Variants in ABI3BP observed in about 807,000 individuals in gnomAD.
ABI3BP encodes the protein target of Nesh-SH3.
Under a neutral mutation model 268.6 loss-of-function variants are expected in ABI3BP, and 216 were observed. The ratio of observed to expected loss-of-function variants is 0.80; its 90% CI spans 0.72 to 0.90. The LOEUF (loss-of-function observed/expected upper bound fraction) is 0.90. Ranked by LOEUF, ABI3BP falls within the 40% of genes least tolerant of loss-of-function variation. ABI3BP has a pLI of 0.00. For missense variants in ABI3BP, 2,090 were observed against 2,182.4 expected, an observed-to-expected ratio of 0.96 and a Z score of 0.84; for synonymous variants, 730 against 730.0, an observed-to-expected ratio of 1.00 and a Z score of 0.00.
At chr3:100,843,878 C>A in intron 20 of ABI3BP, 1 of 984,764 alleles carries the variant, frequency 1.0e-6, no homozygotes, top group Non-Finnish European at 1.2e-6. Context: ...CTACTCATTG[C>A]ATCTTTTAGA....
intron 27 of ABI3BP, among the ~76,000 whole-genome samples, chr3:100,835,962 G>C (rs2152860788): frequency 6.6e-6 from 1 of 152,134 alleles, no homozygotes; most frequent in South Asian, 2.1e-4. Flanking sequence ...TAATTTTAAA[G>C]TACTCTAAAA....
chr3:100,907,616 G>A lies in ABI3BP; in HGVS notation c.260-4930C>T, dbSNP rs141648618. 4.1e-3 allele frequency among the ~76,000 whole-genome samples: 621 copies of A among 152,104 alleles called. 1 individual carries two copies. The highest frequency in any genetic ancestry group is 0.014 in the African/African-American group (595 of 41,492). On this transcript the variant is annotated intron_variant, in intron 2 of 67. Coordinates refer to ENST00000471714, the MANE Select transcript of ABI3BP (RefSeq NM_001375547.2). ...AGTCTAAGGACATATTACAAGAGAGGAAAATGTTCAAAAAATCTTTACAGC... is the reference window on the plus strand; with the variant it reads ...AGTCTAAGGACATATTACAAGAGAGAAAAATGTTCAAAAAATCTTTACAGC...
chr3:100,862,965 T>C, intron 12 of ABI3BP, 56 bp from the exon 13 acceptor site: 1 of 1,342,134 alleles, frequency 7.5e-7, no homozygotes, highest in Non-Finnish European at 1.0e-6. Context: ...ACAGGAAAGA[T>C]TTTTAAAATT....
At chr3:100,769,549 G>T (rs897868835) in intron 62 of ABI3BP, among the ~76,000 whole-genome samples, 1 of 152,150 alleles carries the variant, frequency 6.6e-6, no homozygotes, top group Non-Finnish European at 1.5e-5. Flanking sequence ...TCAATGTTCC[G>T]TATCTTTAAG....
At chr3:100,768,244 A>G (rs2096390620) in intron 62 of ABI3BP, among the ~76,000 whole-genome samples, 1 of 151,824 alleles carries the variant, frequency 6.6e-6, no homozygotes, top group Non-Finnish European at 1.5e-5. Context: ...GCCCGCCACC[A>G]CACCCGGCTA....
chr3:100,834,632 C>A, intron 29 of ABI3BP, 52 bp downstream of exon 29: 1 of 1,502,378 alleles, frequency 6.7e-7, no homozygotes, highest in Non-Finnish European at 9.0e-7. Context: ...CTGCCACCCC[C>A]ATGCCACATC....
chr3:100,989,823 A>G (rs967912110), intron 1 of ABI3BP, among the ~76,000 whole-genome samples: 5 of 152,214 alleles, frequency 3.3e-5, no homozygotes, highest in African/African-American at 9.7e-5. Context: ...AAAAAGGCCA[A>G]TGGTGCCAAG....
chr3:100,865,251 T>G (rs961737873), intron 10 of ABI3BP, among the ~76,000 whole-genome samples: 1 of 152,202 alleles, frequency 6.6e-6, no homozygotes, highest in African/African-American at 2.4e-5. Flanking sequence ...GATTATAGTT[T>G]ATTACTTTTT....
At chr3:100,949,414 C>A (rs957877180) in intron 1 of ABI3BP, among the ~76,000 whole-genome samples, 2 of 152,146 alleles carry the variant, frequency 1.3e-5, no homozygotes. Context: ...CAACACCATG[C>A]ATGGCTCTTT....
At chr3:100,920,083 C>T (rs1001694009) in intron 2 of ABI3BP, among the ~76,000 whole-genome samples, 2 of 152,174 alleles carry the variant, frequency 1.3e-5, no homozygotes, top group African/African-American at 4.8e-5. Context: ...GAGAAACATA[C>T]TTGGGTATGA....
At chr3:100,780,017 C>A in intron 58 of ABI3BP, 115 bp downstream of exon 58, 1 of 853,448 alleles carries the variant, frequency 1.2e-6, no homozygotes, top group Non-Finnish European at 1.9e-6. Context: ...GTGTGTGGTT[C>A]TGATACTTCG....
intron 55 of ABI3BP, among the ~76,000 whole-genome samples, chr3:100,792,229 T>C (rs1334298995): frequency 1.3e-5 from 2 of 151,858 alleles, no homozygotes; most frequent in Non-Finnish European, 2.9e-5. Context: ...TTTTGAAAAA[T>C]GATTTTTCTT....
At chr3:100,794,898 G>A in intron 54 of ABI3BP, 25 bp downstream of exon 54, 1 of 1,518,244 alleles carries the variant, frequency 6.6e-7, no homozygotes, top group Non-Finnish European at 9.0e-7. Context: ...AGCTCTCTTT[G>A]AACAAATATT....
chr3:100,987,036 C>A (rs1203797503), intron 1 of ABI3BP, among the ~76,000 whole-genome samples: 1 of 152,008 alleles, frequency 6.6e-6, no homozygotes. Context: ...ACTAGATAAT[C>A]TAGATAATCA....
chr3:100,817,402 G>A, intron 42 of ABI3BP, 34 bp downstream of exon 42: 1 of 1,430,558 alleles, frequency 7.0e-7, no homozygotes, highest in Non-Finnish European at 9.3e-7. Context: ...AAATAAGGAG[G>A]AAAAAGTTAT....
At chr3:100,962,064 A>G (rs370010013) in intron 1 of ABI3BP, among the ~76,000 whole-genome samples, 3 of 152,182 alleles carry the variant, frequency 2.0e-5, no homozygotes, top group East Asian at 1.9e-4. Flanking sequence ...ATAAGTATAA[A>G]TTCATGGTCA....
chr3:100,944,986 G>A (rs1019391182), intron 1 of ABI3BP, among the ~76,000 whole-genome samples: 4 of 152,220 alleles, frequency 2.6e-5, no homozygotes, highest in Non-Finnish European at 4.4e-5. Flanking sequence ...AGATCAACTT[G>A]GCTTTTAATT....
chr3:100,777,856 C>G (rs970814252), intron 59 of ABI3BP, among the ~76,000 whole-genome samples: 18 of 152,134 alleles, frequency 1.2e-4, no homozygotes, highest in African/African-American at 4.3e-4. Flanking sequence ...TAATACCAGG[C>G]CTGGCATGAA....
intron 1 of ABI3BP, among the ~76,000 whole-genome samples, chr3:100,978,512 G>C (rs1393253702): frequency 1.3e-5 from 2 of 152,162 alleles, no homozygotes; most frequent in Non-Finnish European, 2.9e-5. Flanking sequence ...TTCAACTGAA[G>C]TTTTAGACAT....
Sources: allele counts gnomAD v4.1 joint callset (sites outside exome capture counted in the v4.1 genomes callset), GRCh38; gene constraint gnomAD v4.1.1; transcripts MANE v1.5; gene names NCBI Gene and HGNC (gene_info 2026-07-23, HGNC 2026-07-21).